RAD54L2: variants seen among roughly 807,000 people sequenced by gnomAD.
RAD54L2 encodes helicase ARIP4.
RAD54L2 carries 27 observed loss-of-function variants against 138.4 expected under a neutral mutation model. The ratio of observed to expected loss-of-function variants is 0.20; its 90% CI spans 0.14 to 0.27. RAD54L2 has a LOEUF of 0.27. Among genes scored for constraint, RAD54L2 ranks in the 10% least tolerant of loss-of-function variants. The pLI, the probability that RAD54L2 is intolerant of heterozygous loss-of-function variation, is 1.00. For missense variants in RAD54L2, 1,396 were observed against 1,890.2 expected, an observed-to-expected ratio of 0.74 and a Z score of 4.85; for synonymous variants, 644 against 723.2, an observed-to-expected ratio of 0.89 and a Z score of 1.76.
intron 2 of RAD54L2, among the ~76,000 whole-genome samples, chr3:51,579,564 T>C (rs1699561738): frequency 6.6e-6 from 1 of 152,206 alleles, no homozygotes; most frequent in Non-Finnish European, 1.5e-5. Context: ...ACAAATTTGG[T>C]TCATGTGAGA....
chr3:51,663,028 C>T lies in RAD54L2; in HGVS notation c.4012C>T (p.Leu1338=). ...QLSNLLADAR[L]VFPVTTDPLV... is the part of the protein sequence containing the mutation. Reference sequence around the variant, plus strand: ...GTCCAATTTGCTGGCAGATGCCCGCCTGGTGTTTCCAGTGACTACTGACCC... The same window carrying T: ...GTCCAATTTGCTGGCAGATGCCCGCTTGGTGTTTCCAGTGACTACTGACCC... Residue 1338 remains leucine, a synonymous_variant, in exon 23 of 23, where the codon CTG becomes TTG. Transcript: ENST00000684192. 1 of 1,614,010 alleles carries T rather than the reference C, an allele frequency of 6.2e-7. No individual in the cohort carries two copies. Among genetic ancestry groups the T allele is most frequent in the Non-Finnish European group, 8.5e-7 (1 of 1,179,898 alleles).
At chr3:51,574,774 A>T (rs1426046362) in intron 2 of RAD54L2, among the ~76,000 whole-genome samples, 1 of 152,038 alleles carries the variant, frequency 6.6e-6, no homozygotes, top group Non-Finnish European at 1.5e-5. Flanking sequence ...AGATTGTAAA[A>T]ATTTTCTCCC....
rs1195069894 is a variant in RAD54L2 at position 51,645,476 on chromosome 3, C to T, written c.2657-115C>T. On this transcript the variant is annotated intron_variant, in intron 17 of 22. Coordinates refer to ENST00000684192, the MANE Select transcript of RAD54L2 (RefSeq NM_015106.4). The surrounding 1 kb of genome is among the most constrained non-coding windows in gnomAD (Gnocchi z 6.1). The stretch of plus-strand genomic sequence containing the variant: ...CCCTTATATGATGTTTCCAGTGTCA[C>T]CAGCACCTCAGACCTAGTCTTTGAC... The T allele has an allele frequency of 1.8e-6, 2 of 1,141,574 alleles. No individual in the cohort carries two copies. Among genetic ancestry groups the T allele is most frequent in the Non-Finnish European group, 2.5e-6 (2 of 815,634 alleles). 70.7% of individuals were successfully genotyped at this position (1,141,574 alleles called of 1,614,324 possible). A position where few individuals can be genotyped will look rare whatever the true frequency, so the allele number is the denominator to read the frequency against.
intron 16 of RAD54L2, 30 bp from the exon 17 acceptor site, chr3:51,644,994 G>A (rs778795214): frequency 1.2e-6 from 2 of 1,610,704 alleles, no homozygotes; most frequent in Non-Finnish European, 1.7e-6. Context: ...AAGACTAAAG[G>A]CTCTGTGATT....
At chr3:51,552,935 G>A (rs1024158270) in intron 2 of RAD54L2, among the ~76,000 whole-genome samples, 13 of 152,010 alleles carry the variant, frequency 8.6e-5, no homozygotes, top group Admixed American at 8.5e-4. Context: ...TTATTGAAGA[G>A]GATGAGCATC....
intron 15 of RAD54L2, among the ~76,000 whole-genome samples, chr3:51,643,163 G>A (rs974695307): frequency 1.3e-5 from 2 of 150,900 alleles, no homozygotes; most frequent in African/African-American, 2.4e-5. Context: ...AGCCTCCCAA[G>A]TACTGGGACT....
intron 3 of RAD54L2, among the ~76,000 whole-genome samples, chr3:51,612,691 TAAA>T (rs11299726): frequency 2.6e-3 from 374 of 141,798 alleles, no homozygotes; most frequent in African/African-American, 5.3e-3. Context: ...GTCTTTGTTG[TAAA>T]AAAAAAAAAA....
chr3:51,549,867 C>T (rs1166219769), intron 2 of RAD54L2, among the ~76,000 whole-genome samples: 1 of 151,812 alleles, frequency 6.6e-6, no homozygotes, highest in East Asian at 1.9e-4. Flanking sequence ...GTCCCACTGT[C>T]TCCACACCCT....
At chr3:51,652,734 A>G (rs1382230767) in intron 19 of RAD54L2, among the ~76,000 whole-genome samples, 1 of 152,224 alleles carries the variant, frequency 6.6e-6, no homozygotes, top group Admixed American at 6.5e-5. Context: ...ATATGTAGAA[A>G]GCTGAAACTG....
At position 51,663,049 on chromosome 3, in the gene RAD54L2, G is replaced by A. The variant is rs1333099535; in HGVS notation, c.4033G>A (p.Asp1345Asn). The A allele has an allele frequency of 6.2e-7, 1 of 1,613,902 alleles. No homozygotes were observed. The highest frequency in any genetic ancestry group is 1.7e-5 in the Admixed American group (1 of 60,020). The change falls in exon 23 of 23, where the codon GAC becomes AAC. Residue 1345 changes from aspartate (D) to asparagine (N), a missense_variant. This residue lies in a region of RAD54L2 where 634 missense variants were observed against 711.2 expected (regional missense o/e 0.89). Coordinates refer to ENST00000684192, the MANE Select transcript of RAD54L2 (RefSeq NM_015106.4). ...CCGCCTGGTGTTTCCAGTGACTACT[G>A]ACCCTCTGGTGCCAGCAGGCCCCGT... ...DARLVFPVTT[D>N]PLVPAGPVSS...
chr3:51,629,584 C>T (rs924571759), intron 5 of RAD54L2, 111 bp downstream of exon 5: 11 of 1,353,840 alleles, frequency 8.1e-6, no homozygotes, highest in African/African-American at 5.9e-5. Flanking sequence ...CTCGGCTGGG[C>T]GCGGTGGCTC....
chr3:51,543,824 G>A (rs1440425314), intron 2 of RAD54L2, among the ~76,000 whole-genome samples: 5 of 151,986 alleles, frequency 3.3e-5, no homozygotes, highest in African/African-American at 1.2e-4. Flanking sequence ...TATTCCTTCT[G>A]TGATATTTTG....
chr3:51,662,716 T>C lies in RAD54L2; in HGVS notation c.3700T>C (p.Ser1234Pro), dbSNP rs1701813803. ...ACTAGGGGGTCATTGCCTCAATAGT[T>C]CCCTCTTGGTGACTGGCCAGCCCTG... ...PRLGGHCLNS[S>P]LLVTGQPCGD... Residue 1234 changes from serine to proline, a missense_variant, in exon 23 of 23, where the codon TCC becomes CCC. Transcript: ENST00000684192. The surrounding 1 kb of genome is among the most constrained non-coding windows in gnomAD (Gnocchi z 4.6). 6.2e-7 allele frequency: 1 copy of C among 1,613,730 alleles called. No homozygotes were observed. The highest frequency in any genetic ancestry group is 8.5e-7 in the Non-Finnish European group (1 of 1,179,850).
At position 51,561,491 on chromosome 3, in the gene RAD54L2, C is replaced by T. The variant is rs148846935; in HGVS notation, c.-55+19841C>T. 1.0e-3 allele frequency among the ~76,000 whole-genome samples: 157 copies of T among 152,178 alleles called. 2 individuals are homozygous for T. In the East Asian group the frequency reaches 0.029, roughly 28 times the overall value. ...AACTCCTGACCTCAGGTGATCTGCCCGCCTCTGCCTCCCAAAGTGCTGGGA... is the reference window on the plus strand; with the variant it reads ...AACTCCTGACCTCAGGTGATCTGCCTGCCTCTGCCTCCCAAAGTGCTGGGA... On this transcript the variant is annotated intron_variant, in intron 2 of 22. Coordinates refer to ENST00000684192, the MANE Select transcript of RAD54L2 (RefSeq NM_015106.4).
At chr3:51,610,923 G>A (rs1285366137) in intron 3 of RAD54L2, among the ~76,000 whole-genome samples, 1 of 152,198 alleles carries the variant, frequency 6.6e-6, no homozygotes, top group Admixed American at 6.5e-5. Context: ...ATGCATAATG[G>A]CAGGTGGAGG....
chr3:51,589,683 T>TATATACAC (rs1553680963), intron 2 of RAD54L2, among the ~76,000 whole-genome samples: 45 of 144,860 alleles, frequency 3.1e-4, no homozygotes, highest in Admixed American at 7.8e-4. Flanking sequence ...TATATATATA[T>TATATACAC]ACACACACAC....
At chr3:51,646,700 G>A (rs771638538) in intron 19 of RAD54L2, among the ~76,000 whole-genome samples, 4 of 152,174 alleles carry the variant, frequency 2.6e-5, no homozygotes, top group Non-Finnish European at 4.4e-5. Flanking sequence ...CTGCTGGCCC[G>A]TGACCCAGGA....
intron 2 of RAD54L2, among the ~76,000 whole-genome samples, chr3:51,551,440 A>AT (rs79199660): frequency 0.072 from 10,061 of 139,900 alleles, 841 homozygotes; most frequent in East Asian, 0.33. Flanking sequence ...GCCTAATTTA[A>AT]TTTTTTTTTT....
At chr3:51,589,256 C>T (rs1699782150) in intron 2 of RAD54L2, among the ~76,000 whole-genome samples, 1 of 152,136 alleles carries the variant, frequency 6.6e-6, no homozygotes, top group Non-Finnish European at 1.5e-5. Context: ...CTTAGCCAGG[C>T]ATGGTTGTAT....
Sources: allele counts gnomAD v4.1 joint callset (sites outside exome capture counted in the v4.1 genomes callset), GRCh38; gene constraint gnomAD v4.1.1; regional missense constraint gnomAD v4.1.1; non-coding constraint Gnocchi (gnomAD v3.1); transcripts MANE v1.5; gene names NCBI Gene and HGNC (gene_info 2026-07-23, HGNC 2026-07-21).